Variants in RECQL5 observed in about 807,000 individuals in gnomAD.
RECQL5 encodes the protein RecQ like helicase 5.
Under a neutral mutation model 103.4 loss-of-function variants are expected in RECQL5, and 88 were observed. The ratio of observed to expected loss-of-function variants is 0.85; its 90% confidence interval spans 0.72 to 1.02. RECQL5 has a LOEUF of 1.02. RECQL5 is among the 50% of genes least tolerant of loss of function. RECQL5 has a pLI of 0.00. For synonymous variants in RECQL5, 552 were observed against 507.9 expected, an observed-to-expected ratio of 1.09 and a Z score of -1.17; for missense variants, 1,232 against 1,284.3, an observed-to-expected ratio of 0.96 and a Z score of 0.62.
In RECQL5 at chr17:75,628,763, C is replaced by T. The variant is rs1441021498; in HGVS notation, c.2490-1G>A. The T allele has an allele frequency of 2.5e-6, 4 of 1,599,302 alleles. No homozygotes were observed. In the Admixed American group the frequency reaches 7.3e-5, roughly 29 times the overall value. On this transcript the variant is annotated splice_acceptor_variant, in intron 16 of 19. Coordinates refer to ENST00000317905, the MANE Select transcript of RECQL5 (RefSeq NM_004259.7). LOFTEE classifies it high-confidence loss of function. ...GCCCTGGTCTCTGGGCGGGCAGGTG[C>T]TGGTAGAGGGAAGAGCAGGCATCAC... is the stretch of plus-strand genomic sequence containing the variant.
At position 75,629,702 on chromosome 17, in the gene RECQL5, G is replaced by A. The variant is rs370235782; in HGVS notation, c.1947+6C>T. The A allele has an allele frequency of 1.9e-6, 3 of 1,603,330 alleles. No individual in the cohort carries two copies. In the African/African-American group the frequency reaches 4.0e-5, roughly 21 times the overall value. ...CAGGTCTGGAGGCCACTGGGCCACA[G>A]CTCACCGAGTACACATGGGAGGCTG... On this transcript the variant is annotated splice_donor_region_variant and intron_variant, in intron 15 of 19. Transcript: ENST00000317905.
intron 1 of RECQL5, 61 bp from the exon 2 acceptor site, chr17:75,666,632 TA>T (rs1442584179): frequency 6.7e-7 from 1 of 1,492,186 alleles, no homozygotes; most frequent in African/African-American, 1.4e-5. Context: ...TGTTTTGCAT[TA>T]AAAATACAGA....
chr17:75,659,376 A>G (rs2059669778), intron 6 of RECQL5, among the ~76,000 whole-genome samples: 1 of 151,664 alleles, frequency 6.6e-6, no homozygotes, highest in Admixed American at 6.6e-5. Flanking sequence ...TTTATTTTTC[A>G]AGACAGGGTC....
At chr17:75,639,099 G>A (rs1204485496) in intron 8 of RECQL5, 1 of 152,330 alleles carries the variant, frequency 6.6e-6, no homozygotes, top group Non-Finnish European at 1.5e-5. Context: ...GGCCCCGTTC[G>A]ATGACCTTCA....
At chr17:75,665,265 C>T in intron 2 of RECQL5, 93 bp from the exon 3 acceptor site, 1 of 1,214,360 alleles carries the variant, frequency 8.2e-7, no homozygotes, top group Non-Finnish European at 1.2e-6. Flanking sequence ...AAGCACCTAG[C>T]AGAGTGTCTG....
chr17:75,665,689 C>CAAAAAAAAAAAAAAAAAA (rs1184942786), intron 2 of RECQL5, among the ~76,000 whole-genome samples: 1 of 63,402 alleles, frequency 1.6e-5, no homozygotes, highest in Non-Finnish European at 3.1e-5. Context: ...GACTCTGTTT[C>CAAAAAAAAAAAAAAAAAA]AAAAAAAAAA....
intron 2 of RECQL5, 36 bp downstream of exon 2, chr17:75,666,392 G>A: frequency 1.9e-6 from 3 of 1,612,388 alleles, no homozygotes; most frequent in Non-Finnish European, 2.5e-6. Flanking sequence ...GGTATAGCCA[G>A]CATAAATTTA....
rs1421122190 is a variant in RECQL5, at chr17:75,629,326, G to A, written c.2097C>T (p.Gly699=). 3.9e-6 allele frequency: 6 copies of A among 1,535,656 alleles called. No homozygotes were observed. The highest frequency in any genetic ancestry group is 5.3e-6 in the Non-Finnish European group (6 of 1,141,044). ...GEHEPPSRPC[G]LLDEDGSEPL... is the part of the protein sequence containing the mutation. ...GCTCACTCCCATCCTCATCCAGGAG[G>A]CCACAGGGCCGGCTCGGGGGCTCGT... Residue 699 remains glycine, a synonymous_variant, in exon 16 of 20, where the codon GGC becomes GGT. Transcript: ENST00000317905.
At chr17:75,666,079 T>A (rs955756643) in intron 2 of RECQL5, among the ~76,000 whole-genome samples, 1 of 152,138 alleles carries the variant, frequency 6.6e-6, no homozygotes, top group Admixed American at 6.6e-5. Context: ...TCAAAGACCA[T>A]GTGTAAATCT....
rs149763957 is a variant in RECQL5, at chr17:75,639,965, C to T, written c.1230-8297G>A. ...AGCAAGCCCTTGGTCTCACTGTCCT[C>T]ACCGGCTTCCTCCACCCTGAGCTGT... On this transcript the variant is annotated intron_variant, in intron 8 of 19. Transcript: ENST00000317905. 772 of 517,758 alleles carry T rather than the reference C, an allele frequency of 1.5e-3. 10 individuals carry two copies. The highest frequency in any genetic ancestry group is 0.014 in the African/African-American group (733 of 51,318). The allele number at this position is 517,758 out of a possible 1,614,324, so 32.1% of individuals were successfully genotyped here.
chr17:75,629,086 T>C lies in RECQL5; in HGVS notation c.2337A>G (p.Ala779=), dbSNP rs1162121421. The stretch of plus-strand genomic sequence containing the variant: ...AGGCACCTTCTGCCTCTGGGGCTGA[T>C]GCCAGCAGAGCTGGGCTTTCCACCC... ...CRRVESPALL[A]SAPEAEGACP... Residue 779 remains alanine, a synonymous_variant, in exon 16 of 20, where the codon GCA becomes GCG. Transcript: ENST00000317905. 2.5e-6 allele frequency: 4 copies of C among 1,613,336 alleles called. No homozygotes were observed. The South Asian group carries it at 4.4e-5, about 18-fold the overall frequency.
intron 4 of RECQL5, 91 bp from the exon 5 acceptor site, chr17:75,661,799 G>A: frequency 1.1e-6 from 1 of 938,360 alleles, no homozygotes; most frequent in Non-Finnish European, 1.7e-6. Context: ...GAAGCTCTGT[G>A]TTCCTTCTCT....
At chr17:75,661,780 G>T in intron 4 of RECQL5, 72 bp from the exon 5 acceptor site, 1 of 1,125,866 alleles carries the variant, frequency 8.9e-7, no homozygotes, top group Non-Finnish European at 1.3e-6. Context: ...AATGCACCCT[G>T]CTCTAAAAGA....
intron 3 of RECQL5, 124 bp downstream of exon 3, chr17:75,664,927 A>C (rs2059747725): frequency 1.5e-6 from 2 of 1,359,612 alleles, no homozygotes; most frequent in South Asian, 3.4e-5. Flanking sequence ...AAAAAAAAAA[A>C]AAAGGAAAAA....
intron 8 of RECQL5, chr17:75,638,824 G>C (rs2059377300): frequency 6.6e-6 from 1 of 152,400 alleles, no homozygotes; most frequent in Non-Finnish European, 1.5e-5. Flanking sequence ...AGGAGGAGCA[G>C]CTGAAAACAC....
At position 75,628,263 on chromosome 17, in the gene RECQL5, G is replaced by C. The variant is rs1476216779; in HGVS notation, c.2760C>G (p.Val920=). ...CCTTGTAGAAAGGGGTGAGGCACTT[G>C]ACCACAACATTTGCAGCCTCCTTCA... is the stretch of plus-strand genomic sequence containing the variant. The part of the protein sequence containing the change: ...VSLKEAANVV[V]KCLTPFYKEG... Residue 920 remains valine, a synonymous_variant, in exon 18 of 20, where the codon GTC becomes GTG. Transcript: ENST00000317905. 1.2e-6 allele frequency: 2 copies of C among 1,614,022 alleles called. No individual in the cohort carries two copies. Among genetic ancestry groups the C allele is most frequent in the African/African-American group, 2.7e-5 (2 of 74,924 alleles).
At position 75,640,950 on chromosome 17, in the gene RECQL5, C is replaced by G. The variant is rs1014415048; in HGVS notation, c.1230-9282G>C. 1 of 1,529,822 alleles carries G rather than the reference C, an allele frequency of 6.5e-7. No homozygotes were observed. Among genetic ancestry groups the G allele is most frequent in the East Asian group, 2.5e-5 (1 of 40,622 alleles). 94.8% of individuals were successfully genotyped at this position (1,529,822 alleles called of 1,614,324 possible). ...GGAGAGGAGATGGCCAATGCCATGACACAGGCCATCAGCCTGGCCCTGCAG... is the reference window on the plus strand; with the variant it reads ...GGAGAGGAGATGGCCAATGCCATGAGACAGGCCATCAGCCTGGCCCTGCAG... On this transcript the variant is annotated intron_variant, in intron 8 of 19. Coordinates refer to ENST00000317905, the MANE Select transcript of RECQL5 (RefSeq NM_004259.7). This position sits in a 1 kb window ranked among gnomAD's most constrained non-coding sequence, Gnocchi z 4.6.
Position 75,627,827 on chromosome 17 carries a change from G to C in RECQL5, c.2806-135C>G, listed in dbSNP as rs1455922955. The C allele has an allele frequency of 2.6e-5, 19 of 725,258 alleles. 1 individual carries two copies. The highest frequency in any genetic ancestry group is 2.3e-4 in the South Asian group (13 of 56,378). The allele number at this position is 725,258 out of a possible 1,614,324, so 44.9% of individuals were successfully genotyped here. A position where few individuals can be genotyped will look rare whatever the true frequency, so the allele number is the denominator to read the frequency against. On this transcript the variant is annotated intron_variant, in intron 18 of 19. Transcript: ENST00000317905. ...GAGGTCAGGAGATCGAGACCATCCT[G>C]GCTAACACGGTGAAACCCTGACTCT...
intron 2 of RECQL5, among the ~76,000 whole-genome samples, chr17:75,665,689 C>CA (rs1184942786): frequency 0.06 from 3,715 of 62,376 alleles, 79 homozygotes; most frequent in Middle Eastern, 0.1. Context: ...GACTCTGTTT[C>CA]AAAAAAAAAA....
Sources: allele counts gnomAD v4.1 joint callset (sites outside exome capture counted in the v4.1 genomes callset), GRCh38; gene constraint gnomAD v4.1.1; non-coding constraint Gnocchi (gnomAD v3.1); transcripts MANE v1.5; gene names NCBI Gene and HGNC (gene_info 2026-07-23, HGNC 2026-07-21).